Variants in TENM3 observed in about 807,000 individuals in gnomAD.
The protein encoded by TENM3 is teneurin transmembrane protein 3.
A neutral mutation model predicts 255.1 loss-of-function variants in TENM3; 63 were observed. The ratio of observed to expected loss-of-function variants is 0.25; its 90% CI spans 0.20 to 0.30. TENM3 has a LOEUF of 0.30. Ranked by LOEUF, TENM3 falls within the 10% of genes least tolerant of loss-of-function variation. The pLI is 1.00. For synonymous variants in TENM3, 1,306 were observed against 1,322.3 expected, an observed-to-expected ratio of 0.99 and a Z score of 0.27; for missense variants, 2,929 against 3,461.1, an observed-to-expected ratio of 0.85 and a Z score of 3.86.
intron 1 of TENM3, among the ~76,000 whole-genome samples, chr4:182,223,135 A>C (rs1387741360): frequency 6.6e-6 from 1 of 152,230 alleles, no homozygotes; most frequent in Non-Finnish European, 1.5e-5. Context: ...TGGTAGGGGA[A>C]AATGAGGTGG....
the TENM3 span, among the ~76,000 whole-genome samples, chr4:182,018,205 T>G: frequency 6.6e-6 from 1 of 152,296 alleles, no homozygotes; most frequent in East Asian, 1.9e-4. Flanking sequence ...GAGATTGAAT[T>G]GCTAACTTTC....
chr4:181,571,187 G>A, the TENM3 span, among the ~76,000 whole-genome samples: 133 of 152,206 alleles, frequency 8.7e-4, no homozygotes, highest in Middle Eastern at 3.4e-3. Flanking sequence ...TAGTGTCTTC[G>A]GAATTCGAGG....
chr4:181,675,722 C>T, the TENM3 span, among the ~76,000 whole-genome samples: 1 of 152,060 alleles, frequency 6.6e-6, no homozygotes, highest in Non-Finnish European at 1.5e-5. Flanking sequence ...ATTATCATTG[C>T]TCTACCGTTG....
At chr4:181,808,069 A>T in the TENM3 span, among the ~76,000 whole-genome samples, 1 of 152,172 alleles carries the variant, frequency 6.6e-6, no homozygotes, top group Non-Finnish European at 1.5e-5. Context: ...GAGGATAGAA[A>T]ATCCACCACT....
intron 22 of TENM3, among the ~76,000 whole-genome samples, chr4:182,765,532 T>G (rs1210841659): frequency 6.6e-6 from 1 of 152,346 alleles, no homozygotes; most frequent in Non-Finnish European, 1.5e-5. Flanking sequence ...TGCACTTTGC[T>G]CAATGTTCAT....
chr4:182,433,343 T>C (rs1771804642), intron 3 of TENM3, among the ~76,000 whole-genome samples: 1 of 152,140 alleles, frequency 6.6e-6, no homozygotes, highest in Non-Finnish European at 1.5e-5. Context: ...AGCTTTACAA[T>C]AGGTGCTTGT....
chr4:181,702,756 A>C, the TENM3 span, among the ~76,000 whole-genome samples: 2 of 152,246 alleles, frequency 1.3e-5, no homozygotes, highest in South Asian at 4.1e-4. Context: ...GTAGTATTCT[A>C]TTTTTTTGAA....
chr4:182,168,186 G>T (rs895766792), intron 1 of TENM3, among the ~76,000 whole-genome samples: 5 of 151,466 alleles, frequency 3.3e-5, no homozygotes, highest in African/African-American at 9.7e-5. Context: ...CCAGGCCGGA[G>T]TGCAGTGGTG....
the TENM3 span, among the ~76,000 whole-genome samples, chr4:181,543,232 G>T: frequency 6.6e-6 from 1 of 152,088 alleles, no homozygotes; most frequent in Non-Finnish European, 1.5e-5. Flanking sequence ...TCAAAGCCGG[G>T]CCTTCGTCCA....
chr4:181,703,802 T>TC, the TENM3 span, among the ~76,000 whole-genome samples: 1 of 151,980 alleles, frequency 6.6e-6, no homozygotes, highest in East Asian at 1.9e-4. Context: ...GGGGAGTTTT[T>TC]TTTTCTTTTT....
At chr4:181,507,010 G>T in the TENM3 span, among the ~76,000 whole-genome samples, 1 of 152,146 alleles carries the variant, frequency 6.6e-6, no homozygotes, top group African/African-American at 2.4e-5. Flanking sequence ...ACCACCTGAA[G>T]GTTTCCTTCC....
chr4:182,086,070 AAGTT>A, the TENM3 span, among the ~76,000 whole-genome samples: 2 of 152,176 alleles, frequency 1.3e-5, no homozygotes, highest in African/African-American at 2.4e-5. Context: ...CTGACACTAA[AAGTT>A]AGGGCATTTG....
chr4:181,959,426 T>C, the TENM3 span, among the ~76,000 whole-genome samples: 13 of 152,172 alleles, frequency 8.5e-5, no homozygotes, highest in African/African-American at 3.1e-4. Context: ...ATGTTCATTA[T>C]GTGTGAAGAA....
At chr4:181,527,706 AGT>A in the TENM3 span, among the ~76,000 whole-genome samples, 1 of 151,802 alleles carries the variant, frequency 6.6e-6, no homozygotes. Context: ...TATATATGAA[AGT>A]GTGTATTCAT....
At chr4:182,436,357 C>CG (rs1457968060) in intron 3 of TENM3, among the ~76,000 whole-genome samples, 7 of 152,266 alleles carry the variant, frequency 4.6e-5, no homozygotes, top group Non-Finnish European at 8.8e-5. Context: ...TGTCTGTCTT[C>CG]GGGGTCATAC....
chr4:182,300,305 A>AGGAG (rs771525260), intron 1 of TENM3, among the ~76,000 whole-genome samples: 9 of 141,038 alleles, frequency 6.4e-5, no homozygotes, highest in Admixed American at 1.4e-4. Flanking sequence ...AAGGAAGGGA[A>AGGAG]GGAGGGAGGG....
chr4:182,590,255 A>G (rs1746465299), intron 3 of TENM3, among the ~76,000 whole-genome samples: 1 of 152,098 alleles, frequency 6.6e-6, no homozygotes, highest in African/African-American at 2.4e-5. Flanking sequence ...TCCTCTTTGA[A>G]TGAGGGCGTG....
At chr4:182,351,516 C>T (rs1449135377) in intron 3 of TENM3, among the ~76,000 whole-genome samples, 1 of 152,168 alleles carries the variant, frequency 6.6e-6, no homozygotes, top group Non-Finnish European at 1.5e-5. Context: ...GCCTTGTCTG[C>T]TCCTTCAGCT....
intron 24 of TENM3, among the ~76,000 whole-genome samples, chr4:182,786,621 C>T (rs911467810): frequency 1.3e-5 from 2 of 151,544 alleles, no homozygotes; most frequent in Admixed American, 1.3e-4. Context: ...TGTCTCCCTA[C>T]AGCAGCACGT....
Sources: allele counts gnomAD v4.1 joint callset (sites outside exome capture counted in the v4.1 genomes callset), GRCh38; gene constraint gnomAD v4.1.1; transcripts MANE v1.5; gene names NCBI Gene and HGNC (gene_info 2026-07-23, HGNC 2026-07-21).